Variants in KCNIP1 observed in about 807,000 individuals in gnomAD.
KCNIP1 encodes A-type potassium channel modulatory protein KCNIP1.
In KCNIP1, 18 loss-of-function variants were observed where a neutral mutation model predicts 33.0. The ratio of observed to expected loss-of-function variants is 0.55; its 90% CI spans 0.38 to 0.81. KCNIP1 has a LOEUF of 0.81. Among genes scored for constraint, KCNIP1 ranks in the 30% least tolerant of loss-of-function variants. KCNIP1 has a pLI of 0.00. For missense variants in KCNIP1, 238 were observed against 271.6 expected (o/e 0.88, Z 0.87); for synonymous variants, 93 against 98.3 (o/e 0.95, Z 0.32).
intron 1 of KCNIP1, among the ~76,000 whole-genome samples, chr5:170,521,622 G>A (rs1037010081): frequency 6.6e-6 from 1 of 152,202 alleles, no homozygotes. Flanking sequence ...AGTCAGGAGA[G>A]CAAAATCCAC....
intron 4 of KCNIP1, 139 bp from the exon 5 acceptor site, chr5:170,722,574 C>A: frequency 2.9e-6 from 2 of 700,054 alleles, no homozygotes; most frequent in Admixed American, 2.4e-5. Flanking sequence ...CTTCACAGAG[C>A]ATAGCCACAT....
intron 1 of KCNIP1, among the ~76,000 whole-genome samples, chr5:170,379,550 G>A (rs2113329607): frequency 6.6e-6 from 1 of 152,232 alleles, no homozygotes; most frequent in Non-Finnish European, 1.5e-5. Flanking sequence ...GTGTGGCAGG[G>A]CCTGTCAATA....
intron 1 of KCNIP1, chr5:170,712,818 A>G (rs971975251): frequency 6.2e-7 from 1 of 1,609,440 alleles, no homozygotes; most frequent in African/African-American, 1.3e-5. Context: ...TTTTCGATGA[A>G]TCGATTTGGT....
intron 1 of KCNIP1, among the ~76,000 whole-genome samples, chr5:170,410,826 T>A (rs1755166593): frequency 1.3e-5 from 2 of 152,176 alleles, no homozygotes; most frequent in South Asian, 4.1e-4. Flanking sequence ...TGAGGTTGGC[T>A]CAGTGTAGGT....
intron 1 of KCNIP1, among the ~76,000 whole-genome samples, chr5:170,655,587 G>A (rs1761227435): frequency 6.6e-6 from 1 of 152,190 alleles, no homozygotes; most frequent in African/African-American, 2.4e-5. Flanking sequence ...GGAGTTTACT[G>A]AGATCTGCAA....
intron 5 of KCNIP1, among the ~76,000 whole-genome samples, chr5:170,727,335 G>T (rs981979173): frequency 6.6e-6 from 1 of 152,206 alleles, no homozygotes; most frequent in African/African-American, 2.4e-5. Context: ...AAGTGTGAAG[G>T]GATGTCTTTT....
intron 1 of KCNIP1, among the ~76,000 whole-genome samples, chr5:170,416,098 C>A (rs886581640): frequency 3.3e-5 from 5 of 152,078 alleles, no homozygotes; most frequent in Admixed American, 3.3e-4. Flanking sequence ...GGAAACCTCC[C>A]AGATGTCCCA....
At chr5:170,717,550 C>T (rs1763680420) in intron 1 of KCNIP1, among the ~76,000 whole-genome samples, 1 of 152,144 alleles carries the variant, frequency 6.6e-6, no homozygotes, top group South Asian at 2.1e-4. Context: ...CATCCATCAC[C>T]TTTGGGGATA....
intron 1 of KCNIP1, among the ~76,000 whole-genome samples, chr5:170,398,737 C>G (rs1238332858): frequency 6.6e-6 from 1 of 152,238 alleles, no homozygotes; most frequent in Non-Finnish European, 1.5e-5. Flanking sequence ...AGGACCGGCT[C>G]CAGGGGCTGA....
chr5:170,397,386 A>G (rs1325141139), intron 1 of KCNIP1, among the ~76,000 whole-genome samples: 1 of 152,120 alleles, frequency 6.6e-6, no homozygotes, highest in Non-Finnish European at 1.5e-5. Flanking sequence ...GAGAGTGAGG[A>G]GGGGTCAGGA....
rs143380891 is a variant in KCNIP1, at chr5:170,400,303, C to T, written c.88+46339C>T. On this transcript the variant is annotated intron_variant, in intron 1 of 7. Transcript: ENST00000377360. ...GGAGGCCTCAGGAAACTTACAATCA[C>T]GGAGGAAGGAGAAGGGGAAGCAGGC... 1.6e-3 allele frequency among the ~76,000 whole-genome samples: 247 copies of T among 152,130 alleles called. 1 individual carries two copies. Among genetic ancestry groups the T allele is most frequent in the East Asian group, 0.014 (72 of 5,178 alleles).
In KCNIP1 at chr5:170,504,055, C is replaced by A; in HGVS notation, c.-518C>A. Reference sequence around the variant, plus strand: ...CCGAGCGCTGGCAGCAGGCAGCAGGCAGCAGGCGGGCGCGCTGTGGCTCCG... The same window carrying A: ...CCGAGCGCTGGCAGCAGGCAGCAGGAAGCAGGCGGGCGCGCTGTGGCTCCG... On this transcript the variant is annotated 5_prime_UTR_variant, in exon 1 of 8. Transcript: ENST00000328939. The surrounding 1 kb of genome is among the most constrained non-coding windows in gnomAD (Gnocchi z 6.0). 3.0e-6 allele frequency: 3 copies of A among 985,714 alleles called. No homozygotes were observed. The highest frequency in any genetic ancestry group is 3.6e-6 in the Non-Finnish European group (3 of 829,972). The allele number at this position is 985,714 out of a possible 1,614,324, so 61.1% of individuals were successfully genotyped here. A position where few individuals can be genotyped will look rare whatever the true frequency, so the allele number is the denominator to read the frequency against.
intron 1 of KCNIP1, among the ~76,000 whole-genome samples, chr5:170,637,584 C>T (rs1760338136): frequency 6.6e-6 from 1 of 152,184 alleles, no homozygotes; most frequent in Non-Finnish European, 1.5e-5. Context: ...GGCACACACA[C>T]ACCTGCCTCA....
At chr5:170,730,283 G>C (rs985823291) in intron 5 of KCNIP1, among the ~76,000 whole-genome samples, 2 of 152,090 alleles carry the variant, frequency 1.3e-5, no homozygotes, top group Non-Finnish European at 2.9e-5. Context: ...TTCCATCACT[G>C]AATAAACTTA....
chr5:170,684,523 C>T (rs1483131225), intron 1 of KCNIP1, among the ~76,000 whole-genome samples: 25 of 152,204 alleles, frequency 1.6e-4, no homozygotes, highest in Admixed American at 1.6e-3. Flanking sequence ...AATGTTTCTT[C>T]ATTTGCCACA....
chr5:170,685,681 G>A lies in KCNIP1; in HGVS notation c.62-33077G>A, dbSNP rs113869987. Among the ~76,000 whole-genome samples the A allele has an allele frequency of 3.4e-3, 516 of 152,062 alleles. 3 individuals are homozygous for A. The highest frequency in any genetic ancestry group is 0.012 in the African/African-American group (488 of 41,482). ...TTTTTGTATTTTTAGTTGAGACATG[G>A]CTTCCCCATGTTGACCAGGCTAGCC... On this transcript the variant is annotated intron_variant, in intron 1 of 7. Coordinates refer to ENST00000328939, the MANE Select transcript of KCNIP1 (RefSeq NM_014592.4).
At chr5:170,703,365 AT>A (rs1763162359) in intron 1 of KCNIP1, among the ~76,000 whole-genome samples, 1 of 138,274 alleles carries the variant, frequency 7.2e-6, no homozygotes, top group African/African-American at 2.6e-5. Context: ...CTGCGGTTTA[AT>A]TGTTGCCGTG....
chr5:170,588,377 C>A (rs2113540816), intron 1 of KCNIP1, among the ~76,000 whole-genome samples: 1 of 152,308 alleles, frequency 6.6e-6, no homozygotes, highest in South Asian at 2.1e-4. Flanking sequence ...ATCTCCACCC[C>A]ACACATTATA....
chr5:170,562,797 C>T (rs544276008), intron 1 of KCNIP1, among the ~76,000 whole-genome samples: 49 of 152,340 alleles, frequency 3.2e-4, no homozygotes, highest in Non-Finnish European at 5.4e-4. Flanking sequence ...TAAGCTGCAG[C>T]TGGAGAACTG....
Sources: gnomAD v4.1 joint callset for allele counts (sites outside exome capture counted in the v4.1 genomes callset) on GRCh38, gnomAD v4.1.1 for gene constraint, Gnocchi (gnomAD v3.1) non-coding constraint, MANE v1.5 for transcripts, NCBI Gene and HGNC (gene_info 2026-07-23, HGNC 2026-07-21) for gene names.